The following BPIFB6 variants were observed in gnomAD, a reference collection of about 807,000 sequenced individuals.
BPIFB6 encodes the protein BPI fold-containing family B member 6.
BPIFB6 carries 47 observed loss-of-function variants against 54.7 expected under a neutral mutation model. That is an observed-to-expected ratio of 0.86 (90% CI 0.68 to 1.10). The LOEUF is 1.10. Ranked by LOEUF, BPIFB6 falls within the 50% of genes least tolerant of loss-of-function variation. The pLI, the probability that BPIFB6 is intolerant of heterozygous loss-of-function variation, is 0.00. For synonymous variants in BPIFB6, 255 were observed against 225.9 expected, an observed-to-expected ratio of 1.13 and a Z score of -1.16; for missense variants, 603 against 564.1, an observed-to-expected ratio of 1.07 and a Z score of -0.70.
rs1185328401 is a variant in BPIFB6 at position 33,038,847 on chromosome 20, ATGTT to A, written c.847-57_847-54del. Reference sequence around the variant, plus strand: ...GGTACACCTTGTTAAGTCAGTGGAGATGTTTGTTAGGATGGGCCAGGGAGGACTC... The same window carrying A: ...GGTACACCTTGTTAAGTCAGTGGAGATGTTAGGATGGGCCAGGGAGGACTC... On this transcript the variant is annotated intron_variant, in intron 8 of 14. Transcript: ENST00000349552. The A allele has an allele frequency of 3.4e-6, 5 of 1,469,546 alleles. No homozygotes were observed. In the African/African-American group the frequency reaches 7.0e-5, roughly 20 times the overall value. 91.0% of individuals were successfully genotyped at this position (1,469,546 alleles called of 1,614,324 possible). A position where few individuals can be genotyped will look rare whatever the true frequency, so the allele number is the denominator to read the frequency against.
chr20:33,044,034 T>C lies in BPIFB6; in HGVS notation c.1349T>C (p.Leu450Ser), dbSNP rs1979703623. The C allele has an allele frequency of 6.2e-7, 1 of 1,614,068 alleles. No homozygotes were observed. The highest frequency in any genetic ancestry group is 1.3e-5 in the African/African-American group (1 of 74,922). Residue 450 changes from leucine (L) to serine (S), a missense_variant, in exon 15 of 15, where the codon TTG (leucine) becomes TCG (serine). Physicochemically the swap from Leu to Ser is moderately radical, Grantham distance 145. Coordinates refer to ENST00000349552, the MANE Select transcript of BPIFB6 (RefSeq NM_174897.2). ...DIVENALMLD[L>S]KLG ...TGCCAGAATGCCCTGATGCTGGACT[T>C]GAAGCTGGGCTGACCATGGCAGGAC...
chr20:33,044,103 T>C (rs1201157431), downstream of BPIFB6: 1 of 1,606,974 alleles, frequency 6.2e-7, no homozygotes, highest in Admixed American at 1.7e-5. Context: ...CTGCACCCCA[T>C]GGAGGAGACC....
At chr20:33,037,511 C>T (rs1283158221) in intron 7 of BPIFB6, 51 bp from the exon 8 acceptor site, 3 of 1,548,354 alleles carry the variant, frequency 1.9e-6, no homozygotes, top group Admixed American at 3.9e-5. Flanking sequence ...ACACTCCTGG[C>T]CAACATCCCT....
chr20:33,037,681 C>G lies in BPIFB6; in HGVS notation c.789C>G (p.Leu263=), dbSNP rs754279299. The part of the protein sequence containing the change: ...SSQLLLPATF[L]SAELALLQKS... ...AGCTGCTGCTCCCAGCCACCTTCCT[C>G]TCTGCAGAGCTTGCCCTTCTGCAGA... Residue 263 remains leucine (L), a synonymous_variant, in exon 8 of 15, where the codon CTC becomes CTG. Transcript: ENST00000349552. 6.2e-7 allele frequency: 1 copy of G among 1,613,992 alleles called. No individual in the cohort carries two copies. The highest frequency in any genetic ancestry group is 1.3e-5 in the African/African-American group (1 of 74,824).
At position 33,039,412 on chromosome 20, in the gene BPIFB6, G is replaced by C. The variant is rs1979479956; in HGVS notation, c.966G>C (p.Lys322Asn). ...TTQIKIKKPP[K>N]VTMKTGKSLL... The stretch of plus-strand genomic sequence containing the variant: ...AGATCAAGATAAAGAAGCCTCCCAA[G>C]GTCACTATGAAGACAGGCAAGAGCC... Residue 322 changes from lysine to asparagine, a missense_variant, in exon 10 of 15, where the codon AAG becomes AAC. Lys to Asn is a moderately conservative substitution (Grantham distance 94, BLOSUM62 0). Coordinates refer to ENST00000349552, the MANE Select transcript of BPIFB6 (RefSeq NM_174897.2). 1 of 1,614,048 alleles carries C rather than the reference G, an allele frequency of 6.2e-7. No individual in the cohort carries two copies. Among genetic ancestry groups the C allele is most frequent in the Admixed American group, 1.7e-5 (1 of 60,010 alleles).
intron 4 of BPIFB6, 45 bp from the exon 5 acceptor site, chr20:33,035,036 A>G (rs1363829158): frequency 6.2e-7 from 1 of 1,611,382 alleles, no homozygotes; most frequent in Admixed American, 1.7e-5. Context: ...AAATTCCTGC[A>G]CTGGTGCACC....
At position 33,043,938 on chromosome 20, in the gene BPIFB6, A is replaced by T. The variant is rs896435389; in HGVS notation, c.1330-77A>T. On this transcript the variant is annotated intron_variant, in intron 14 of 14. Coordinates refer to ENST00000349552, the MANE Select transcript of BPIFB6 (RefSeq NM_174897.2). ...CCACACTGGTTTCCATTTCCTGACAAGGGGCCCAGTTCCATTCCATCCCTG... is the reference window on the plus strand; with the variant it reads ...CCACACTGGTTTCCATTTCCTGACATGGGGCCCAGTTCCATTCCATCCCTG... The T allele has an allele frequency of 7.1e-6, 11 of 1,552,484 alleles. No homozygotes were observed. The African/African-American group carries it at 1.5e-4, about 21-fold the overall frequency.
chr20:33,042,158 C>G (rs563419509), intron 12 of BPIFB6, 143 bp downstream of exon 12: 9 of 778,274 alleles, frequency 1.2e-5, no homozygotes, highest in Non-Finnish European at 1.9e-5. Context: ...CCTGACTTGC[C>G]GTGTGAGCTT....
rs760126031 is a variant in BPIFB6, at chr20:33,035,163, G to A, written c.516+19G>A. ...TGGGCTGGTGAGTGACCCAGAGAAAGCCTCCACCCCTCGTTGCTGGGACTG... is the reference window on the plus strand; with the variant it reads ...TGGGCTGGTGAGTGACCCAGAGAAAACCTCCACCCCTCGTTGCTGGGACTG... On this transcript the variant is annotated intron_variant, in intron 5 of 14. Coordinates refer to ENST00000349552, the MANE Select transcript of BPIFB6 (RefSeq NM_174897.2). The A allele has an allele frequency of 2.5e-6, 4 of 1,612,500 alleles. No homozygotes were observed. The highest frequency in any genetic ancestry group is 1.1e-5 in the South Asian group (1 of 91,052).
At chr20:33,035,003 A>T in intron 4 of BPIFB6, 78 bp from the exon 5 acceptor site, 6 of 1,608,304 alleles carry the variant, frequency 3.7e-6, no homozygotes, top group Non-Finnish European at 5.1e-6. Context: ...CCCCTTAACC[A>T]TGCCCCTTCA....
chr20:33,031,709 G>A lies in BPIFB6; in HGVS notation c.62G>A (p.Gly21Glu), dbSNP rs41293138. The change falls in exon 1 of 15, where the codon GGG (glycine) becomes GAG (glutamate). Residue 21 changes from glycine (G) to glutamate (E), a missense_variant. Gly to Glu is a moderately conservative substitution (Grantham distance 98). Transcript: ENST00000349552. ...SLLTGTRADPGALLRLGMDIM... is the reference protein window; with the variant it reads ...SLLTGTRADPEALLRLGMDIM... ...CTGACTGGCACGCGAGCTGACCCTG[G>A]GGCACTGCTGCGGTTGGGCATGGAC... 7.5e-3 allele frequency: 12,174 copies of A among 1,614,060 alleles called. 81 individuals are homozygous for A. The highest frequency in any genetic ancestry group is 9.3e-3 in the Non-Finnish European group (11,000 of 1,179,996).
chr20:33,037,081 G>A (rs986763115), intron 7 of BPIFB6, among the ~76,000 whole-genome samples: 9 of 152,136 alleles, frequency 5.9e-5, no homozygotes, highest in African/African-American at 2.2e-4. Flanking sequence ...CAGTGAGTTG[G>A]TGTCAGAGTT....
In BPIFB6 at chr20:33,034,183, C is replaced by A; in HGVS notation, c.198-3C>A. 6.2e-7 allele frequency: 1 copy of A among 1,611,900 alleles called. No homozygotes were observed. Among genetic ancestry groups the A allele is most frequent in the Non-Finnish European group, 8.5e-7 (1 of 1,177,996 alleles). ...ATTGGTGTGGCTGCCTGTCCCTTCC[C>A]AGTTTGAAGGTGAAGGATGTCCAGC... On this transcript the variant is annotated splice_polypyrimidine_tract_variant and splice_region_variant and intron_variant, in intron 2 of 14. Coordinates refer to ENST00000349552, the MANE Select transcript of BPIFB6 (RefSeq NM_174897.2).
Position 33,035,643 on chromosome 20 carries a change from A to T in BPIFB6, c.548A>T (p.Tyr183Phe). The T allele has an allele frequency of 6.2e-7, 1 of 1,614,150 alleles. No individual in the cohort carries two copies. Among genetic ancestry groups the T allele is most frequent in the Non-Finnish European group, 8.5e-7 (1 of 1,180,018 alleles). ...MCPAIDAVLV[Y>F]VNRKWTNLSD... ...CCCGCCATCGATGCAGTCCTGGTGT[A>T]TGTGAACAGGAAGTGGACCAACCTC... Residue 183 changes from tyrosine to phenylalanine, a missense_variant, in exon 6 of 15, where the codon TAT (tyrosine) becomes TTT (phenylalanine). Coordinates refer to ENST00000349552, the MANE Select transcript of BPIFB6 (RefSeq NM_174897.2).
In BPIFB6 at chr20:33,033,094, G is replaced by A. The variant is rs1979175347; in HGVS notation, c.197+11G>A. ...CAAGGGCATCACCAAGTGAGTAGGG[G>A]AGGGGAGCTGGAGGGTGGTGGTTAG... On this transcript the variant is annotated intron_variant, in intron 2 of 14. Coordinates refer to ENST00000349552, the MANE Select transcript of BPIFB6 (RefSeq NM_174897.2). The A allele has an allele frequency of 1.2e-6, 2 of 1,604,090 alleles. No individual in the cohort carries two copies. Among genetic ancestry groups the A allele is most frequent in the African/African-American group, 1.3e-5 (1 of 74,722 alleles).
At chr20:33,038,596 G>A (rs1203984163) in intron 8 of BPIFB6, among the ~76,000 whole-genome samples, 1 of 151,992 alleles carries the variant, frequency 6.6e-6, no homozygotes, top group Non-Finnish European at 1.5e-5. Flanking sequence ...CCATCCATCT[G>A]TCTATTCATC....
chr20:33,037,464 G>T, intron 7 of BPIFB6, 98 bp from the exon 8 acceptor site: 1 of 1,202,098 alleles, frequency 8.3e-7, no homozygotes, highest in South Asian at 1.5e-5. Context: ...TGCTGACTTT[G>T]GGTTTGGCTG....
In BPIFB6 at chr20:33,041,935, C is replaced by T. The variant is rs569560719; in HGVS notation, c.1143-35C>T. The T allele has an allele frequency of 1.2e-5, 20 of 1,610,162 alleles. No homozygotes were observed. In the African/African-American group the frequency reaches 1.3e-4, roughly 11 times the overall value. On this transcript the variant is annotated intron_variant, in intron 11 of 14. Coordinates refer to ENST00000349552, the MANE Select transcript of BPIFB6 (RefSeq NM_174897.2). ...CCACTGGCTCTGACCGTTCTTTCCC[C>T]TCCCCGCCTGGCTTGCTTCCCCACT...
Position 33,038,931 on chromosome 20 carries a change from C to G in BPIFB6, c.869C>G (p.Thr290Ser). The change falls in exon 9 of 15, where the codon ACC becomes AGC. Residue 290 changes from threonine (T) to serine (S), a missense_variant. Physicochemically the swap from Thr to Ser is moderately conservative, Grantham distance 58. Coordinates refer to ENST00000349552, the MANE Select transcript of BPIFB6 (RefSeq NM_174897.2). ...DTMIGELPPQ[T>S]TKTLARFIPE... Reference sequence around the variant, plus strand: ...TAGATTGGTGAGCTGCCCCCACAAACCACCAAGACCCTGGCTCGCTTCATT... The same window carrying G: ...TAGATTGGTGAGCTGCCCCCACAAAGCACCAAGACCCTGGCTCGCTTCATT... 6.2e-7 allele frequency: 1 copy of G among 1,614,124 alleles called. No homozygotes were observed. Among genetic ancestry groups the G allele is most frequent in the Non-Finnish European group, 8.5e-7 (1 of 1,180,028 alleles).
Sources: allele counts gnomAD v4.1 joint callset (sites outside exome capture counted in the v4.1 genomes callset), GRCh38; gene constraint gnomAD v4.1.1; transcripts MANE v1.5; gene names NCBI Gene and HGNC (gene_info 2026-07-23, HGNC 2026-07-21).